Variants in EEFSEC observed in about 807,000 individuals in gnomAD.
EEFSEC encodes eukaryotic elongation factor, selenocysteine-tRNA specific.
A neutral mutation model predicts 42.1 loss-of-function variants in EEFSEC; 43 were observed. The observed-to-expected ratio is 1.02, with a 90% CI of 0.80 to 1.32. The LOEUF is 1.32. EEFSEC is among the 40% of genes most tolerant of loss of function. The pLI, the probability that EEFSEC is intolerant of heterozygous loss-of-function variation, is 0.00. For synonymous variants in EEFSEC, 354 were observed against 339.1 expected, an observed-to-expected ratio of 1.04 and a Z score of -0.48; for missense variants, 745 against 803.6, an observed-to-expected ratio of 0.93 and a Z score of 0.88.
rs1439758923 is a variant in EEFSEC at position 128,278,803 on chromosome 3, C to T, written c.786+14022C>T. Among the ~76,000 whole-genome samples, 3 of 152,138 alleles carry T rather than the reference C, an allele frequency of 2.0e-5. 1 individual carries two copies. The highest frequency in any genetic ancestry group is 4.4e-5 in the Non-Finnish European group (3 of 68,014). On this transcript the variant is annotated intron_variant, in intron 4 of 6. Coordinates refer to ENST00000254730, the MANE Select transcript of EEFSEC (RefSeq NM_021937.5). ...GCAGGGGAGGGTATTTCTAGGGACA[C>T]TCTGGGAGAAGCTGCCCAGCCTGCA...
chr3:128,252,651 A>G (rs1197573076), intron 2 of EEFSEC, among the ~76,000 whole-genome samples: 1 of 113,492 alleles, frequency 8.8e-6, no homozygotes, highest in African/African-American at 2.9e-5. Context: ...GGTAAAATTT[A>G]TTTATACTCT....
intron 4 of EEFSEC, among the ~76,000 whole-genome samples, chr3:128,295,829 C>T (rs556481438): frequency 6.6e-6 from 1 of 152,216 alleles, no homozygotes; most frequent in Admixed American, 6.5e-5. Flanking sequence ...ATTCTTGAAC[C>T]TTCCTCAGCC....
At chr3:128,237,481 A>C (rs1282628406) in intron 1 of EEFSEC, among the ~76,000 whole-genome samples, 1 of 152,084 alleles carries the variant, frequency 6.6e-6, no homozygotes. Flanking sequence ...ATGGCTACCC[A>C]TTGTCCCTTT....
intron 1 of EEFSEC, among the ~76,000 whole-genome samples, chr3:128,245,251 C>T (rs1415161763): frequency 6.6e-6 from 1 of 152,188 alleles, no homozygotes; most frequent in East Asian, 1.9e-4. Flanking sequence ...GGAGCTGGAA[C>T]AGAGAAAGAG....
At chr3:128,326,457 C>CAGCA (rs1421320130) in intron 4 of EEFSEC, among the ~76,000 whole-genome samples, 1 of 152,180 alleles carries the variant, frequency 6.6e-6, no homozygotes, top group Non-Finnish European at 1.5e-5. Context: ...CCAGTTACCT[C>CAGCA]AGCAAGGAGC....
At chr3:128,338,534 A>C (rs1342972895) in intron 4 of EEFSEC, among the ~76,000 whole-genome samples, 1 of 152,138 alleles carries the variant, frequency 6.6e-6, no homozygotes, top group Non-Finnish European at 1.5e-5. Flanking sequence ...GGTCCATGGG[A>C]GCAGGGGTTA....
At chr3:128,314,664 A>G (rs1195694607) in intron 4 of EEFSEC, among the ~76,000 whole-genome samples, 1 of 152,200 alleles carries the variant, frequency 6.6e-6, no homozygotes, top group Non-Finnish European at 1.5e-5. Flanking sequence ...TTTCTACCTG[A>G]TAATTTTTTG....
chr3:128,202,171 C>G (rs1452708067), intron 1 of EEFSEC, among the ~76,000 whole-genome samples: 1 of 152,110 alleles, frequency 6.6e-6, no homozygotes, highest in Non-Finnish European at 1.5e-5. Context: ...TATTCTTGAT[C>G]CTTTGTAGTT....
Position 128,344,112 on chromosome 3 carries a change from G to T in EEFSEC, c.1443+2223G>T, listed in dbSNP as rs1238739622. 2.6e-5 allele frequency among the ~76,000 whole-genome samples: 4 copies of T among 152,372 alleles called. No individual in the cohort carries two copies. In the East Asian group the frequency reaches 7.7e-4, roughly 29 times the overall value. ...GCTCCCCCAACTCGCAACCCCCTGA[G>T]GCTCTAGCTGAATGGGCACCTGCCT... On this transcript the variant is annotated intron_variant, in intron 5 of 6. Transcript: ENST00000254730.
At chr3:128,278,476 T>C (rs1378099419) in intron 4 of EEFSEC, among the ~76,000 whole-genome samples, 2 of 152,152 alleles carry the variant, frequency 1.3e-5, no homozygotes, top group Non-Finnish European at 2.9e-5. Context: ...TGGCTTGGGC[T>C]TCACTAAGTT....
intron 1 of EEFSEC, among the ~76,000 whole-genome samples, chr3:128,242,584 C>T (rs1431136369): frequency 6.6e-6 from 1 of 152,016 alleles, no homozygotes; most frequent in Non-Finnish European, 1.5e-5. Flanking sequence ...TTTTTCTGAA[C>T]ATATTTTATT....
chr3:128,424,533 A>G, the EEFSEC span, among the ~76,000 whole-genome samples: 4 of 151,766 alleles, frequency 2.6e-5, no homozygotes, highest in South Asian at 8.3e-4. Flanking sequence ...ACAGGCATGC[A>G]CCATCATACT....
chr3:128,285,831 G>T (rs188967648), intron 4 of EEFSEC, among the ~76,000 whole-genome samples: 54 of 152,270 alleles, frequency 3.5e-4, no homozygotes, highest in Middle Eastern at 3.4e-3. Flanking sequence ...CTGCATTCTT[G>T]TGCTTTACCT....
intron 1 of EEFSEC, among the ~76,000 whole-genome samples, chr3:128,174,273 A>G (rs2065326834): frequency 6.6e-6 from 1 of 152,250 alleles, no homozygotes; most frequent in South Asian, 2.1e-4. Context: ...GCCATCACAC[A>G]GAAAATACAG....
rs1402513668 is a variant in EEFSEC, at chr3:128,341,325, T to G, written c.879T>G (p.Phe293Leu). The change falls in exon 5 of 7, where the codon TTT (phenylalanine) becomes TTG (leucine). Residue 293 changes from phenylalanine (F) to leucine (L), a missense_variant. Phe to Leu is a conservative substitution (Grantham distance 22). Coordinates refer to ENST00000254730, the MANE Select transcript of EEFSEC (RefSeq NM_021937.5). Reference protein sequence around the residue: ...GDRLGICVTQFDPKLLERGLV... With the variant: ...GDRLGICVTQLDPKLLERGLV... ...GGCTGGGCATCTGCGTCACCCAGTT[T>G]GACCCTAAGCTGCTGGAGCGCGGGT... The G allele has an allele frequency of 6.2e-7, 1 of 1,614,202 alleles. No homozygotes were observed. Among genetic ancestry groups the G allele is most frequent in the Non-Finnish European group, 8.5e-7 (1 of 1,180,042 alleles).
chr3:128,291,772 T>A (rs894111979), intron 4 of EEFSEC, among the ~76,000 whole-genome samples: 1 of 151,656 alleles, frequency 6.6e-6, no homozygotes, highest in Admixed American at 6.6e-5. Flanking sequence ...ACTTTTTGCC[T>A]TTTTTCCCCC....
chr3:128,384,969 C>T (rs1322161009), intron 6 of EEFSEC, among the ~76,000 whole-genome samples: 1 of 152,192 alleles, frequency 6.6e-6, no homozygotes, highest in African/African-American at 2.4e-5. Context: ...GAAGTCCATA[C>T]TGGGTTTTGT....
chr3:128,288,096 C>T (rs775008773), intron 4 of EEFSEC, among the ~76,000 whole-genome samples: 3 of 152,032 alleles, frequency 2.0e-5, no homozygotes, highest in Non-Finnish European at 2.9e-5. Flanking sequence ...CTTCCAGTGA[C>T]GAACACTTCT....
At position 128,270,605 on chromosome 3, in the gene EEFSEC, T is replaced by A. The variant is rs574195973; in HGVS notation, c.786+5824T>A. Among the ~76,000 whole-genome samples the A allele has an allele frequency of 8.6e-4, 131 of 152,356 alleles. 1 individual carries two copies. Among genetic ancestry groups the A allele is most frequent in the South Asian group, 2.1e-3 (10 of 4,822 alleles). ...TTTTTACTTTTACCTTTGCCTCTGCTCTTTGAAGCTAATCACAAGGGTGAG... is the reference window on the plus strand; with the variant it reads ...TTTTTACTTTTACCTTTGCCTCTGCACTTTGAAGCTAATCACAAGGGTGAG... On this transcript the variant is annotated intron_variant, in intron 4 of 6. Transcript: ENST00000254730.
Sources: allele counts gnomAD v4.1 joint callset (sites outside exome capture counted in the v4.1 genomes callset), GRCh38; gene constraint gnomAD v4.1.1; transcripts MANE v1.5; gene names NCBI Gene and HGNC (gene_info 2026-07-23, HGNC 2026-07-21).